The following ADGRL2 variants were observed in gnomAD, a reference collection of about 807,000 sequenced individuals.
ADGRL2 encodes the protein calcium-independent alpha-latrotoxin receptor 2.
ADGRL2 carries 44 observed loss-of-function variants against 157.4 expected under a neutral mutation model. That is an observed-to-expected ratio of 0.28 (90% CI 0.22 to 0.36). The LOEUF (loss-of-function observed/expected upper bound fraction) is 0.36, where lower values mean the gene tolerates loss of function less well. Ranked by LOEUF, ADGRL2 falls within the 10% of genes least tolerant of loss-of-function variation. ADGRL2 has a pLI of 1.00. For synonymous variants in ADGRL2, 585 were observed against 624.7 expected (o/e 0.94, Z 0.95); for missense variants, 1,510 against 1,768.9 (o/e 0.85, Z 2.63).
intron 3 of ADGRL2, among the ~76,000 whole-genome samples, chr1:81,634,514 T>TA (rs2082077452): frequency 3.2e-5 from 1 of 31,460 alleles, no homozygotes; most frequent in Non-Finnish European, 7.9e-5. Flanking sequence ...GCTATCTTGT[T>TA]TTTTTTTTTT....
chr1:81,718,030 G>A (rs1184321187), intron 1 of ADGRL2, among the ~76,000 whole-genome samples: 1 of 152,124 alleles, frequency 6.6e-6, no homozygotes, highest in Non-Finnish European at 1.5e-5. Flanking sequence ...ACTGCCATTA[G>A]TCTATAAGGT....
chr1:81,525,440 C>T (rs943247057), intron 2 of ADGRL2, among the ~76,000 whole-genome samples: 1 of 152,142 alleles, frequency 6.6e-6, no homozygotes, highest in Non-Finnish European at 1.5e-5. Flanking sequence ...GCCTCAGCCT[C>T]CCGAACAGCT....
intron 1 of ADGRL2, among the ~76,000 whole-genome samples, chr1:81,374,236 C>A (rs901825356): frequency 7.9e-5 from 12 of 152,118 alleles, no homozygotes; most frequent in Non-Finnish European, 1.8e-4. Flanking sequence ...AAAGCCCCAA[C>A]GTGACACAAT....
At chr1:81,557,515 AAGAAAGAAAG>A in intron 2 of ADGRL2, 1 of 137,616 alleles carries the variant, frequency 7.3e-6, no homozygotes, top group Non-Finnish European at 1.6e-5. Flanking sequence ...GAAAGAAAGA[AAGAAAGAAAG>A]AGAAGAAAGA....
At chr1:81,446,601 CAGGAGTA>C (rs2077601538) in intron 2 of ADGRL2, among the ~76,000 whole-genome samples, 1 of 152,184 alleles carries the variant, frequency 6.6e-6, no homozygotes, top group Admixed American at 6.5e-5. Context: ...AATTTTCTTT[CAGGAGTA>C]AGGTAACAAA....
chr1:81,800,422 C>T (rs2087858634), upstream of ADGRL2: 1 of 152,142 alleles, frequency 6.6e-6, no homozygotes, highest in African/African-American at 2.4e-5. Flanking sequence ...CTTTCTCCTC[C>T]ATGCAGTTAC....
chr1:81,658,842 C>T (rs893352649), intron 3 of ADGRL2, among the ~76,000 whole-genome samples: 2 of 151,896 alleles, frequency 1.3e-5, no homozygotes, highest in African/African-American at 4.8e-5. Flanking sequence ...ACCTCTGCCT[C>T]CCGGGTTGAT....
At chr1:81,382,478 G>A (rs1473172038) in intron 1 of ADGRL2, among the ~76,000 whole-genome samples, 1 of 152,148 alleles carries the variant, frequency 6.6e-6, no homozygotes, top group Non-Finnish European at 1.5e-5. Flanking sequence ...AGACATGCCA[G>A]AGATAAAAAT....
At chr1:81,435,076 A>G (rs561168443) in intron 1 of ADGRL2, among the ~76,000 whole-genome samples, 1 of 152,348 alleles carries the variant, frequency 6.6e-6, no homozygotes, top group East Asian at 1.9e-4. Flanking sequence ...TATACTCTAT[A>G]TTAAGTTAGA....
chr1:81,814,523 T>G (rs1405120200), intron 1 of ADGRL2, among the ~76,000 whole-genome samples: 1 of 151,526 alleles, frequency 6.6e-6, no homozygotes, highest in Non-Finnish European at 1.5e-5. Context: ...AATTTATATA[T>G]GTGTATGAAG....
At chr1:81,351,139 A>C (rs1662856556) in intron 1 of ADGRL2, among the ~76,000 whole-genome samples, 1 of 152,120 alleles carries the variant, frequency 6.6e-6, no homozygotes. Flanking sequence ...CTTGACTTTC[A>C]GAGGTTTAAC....
At chr1:81,438,452 A>T (rs2101659539) in intron 1 of ADGRL2, among the ~76,000 whole-genome samples, 1 of 152,334 alleles carries the variant, frequency 6.6e-6, no homozygotes. Context: ...TATCTATTAT[A>T]TCAACATGTT....
intron 3 of ADGRL2, among the ~76,000 whole-genome samples, chr1:81,678,209 G>A (rs2083035891): frequency 6.6e-6 from 1 of 152,144 alleles, no homozygotes; most frequent in Non-Finnish European, 1.5e-5. Context: ...CTGAGCTCCA[G>A]TGTATAGCAT....
chr1:81,415,398 G>A (rs1303313610), intron 1 of ADGRL2, among the ~76,000 whole-genome samples: 1 of 152,078 alleles, frequency 6.6e-6, no homozygotes, highest in East Asian at 1.9e-4. Context: ...TTACAGACTA[G>A]TCCATTAATT....
At chr1:81,862,198 G>C (rs1177699014) in intron 2 of ADGRL2, among the ~76,000 whole-genome samples, 20 of 152,126 alleles carry the variant, frequency 1.3e-4, no homozygotes, top group Non-Finnish European at 4.4e-5. Context: ...ATTTAAAAAA[G>C]AGACTAAGAT....
At chr1:81,559,788 T>C (rs2080399053) in intron 2 of ADGRL2, among the ~76,000 whole-genome samples, 1 of 152,188 alleles carries the variant, frequency 6.6e-6, no homozygotes, top group Non-Finnish European at 1.5e-5. Flanking sequence ...AGGGGCATTA[T>C]GCCAGGAGCA....
chr1:81,487,802 A>G (rs887274488), intron 2 of ADGRL2, among the ~76,000 whole-genome samples: 12 of 152,200 alleles, frequency 7.9e-5, no homozygotes, highest in Admixed American at 3.3e-4. Context: ...CACTTGAAAA[A>G]TGGACTGGCT....
intron 1 of ADGRL2, among the ~76,000 whole-genome samples, chr1:81,802,200 C>T (rs376328366): frequency 9.9e-5 from 15 of 152,084 alleles, no homozygotes; most frequent in African/African-American, 3.4e-4. Context: ...CGCCAGACGG[C>T]CCTCCCTCGG....
intron 2 of ADGRL2, among the ~76,000 whole-genome samples, chr1:81,866,668 A>AT (rs1428046636): frequency 1.3e-5 from 2 of 152,140 alleles, no homozygotes; most frequent in Non-Finnish European, 2.9e-5. Flanking sequence ...TTCTCTGAAA[A>AT]TTATTGAAAA....
Sources: gnomAD v4.1 joint callset for allele counts (sites outside exome capture counted in the v4.1 genomes callset) on GRCh38, gnomAD v4.1.1 for gene constraint, MANE v1.5 for transcripts, NCBI Gene and HGNC (gene_info 2026-07-23, HGNC 2026-07-21) for gene names.